Variants in MACROD2 observed in about 807,000 individuals in gnomAD.
MACROD2 encodes the protein ADP-ribose glycohydrolase MACROD2.
A neutral mutation model predicts 70.4 loss-of-function variants in MACROD2; 36 were observed. The observed-to-expected ratio is 0.51, with a 90% CI of 0.39 to 0.68. The LOEUF is 0.68. MACROD2 is among the 30% of genes least tolerant of loss of function. MACROD2 has a pLI of 0.00. For missense variants in MACROD2, 496 were observed against 538.4 expected (o/e 0.92, Z 0.78); for synonymous variants, 172 against 178.8 (o/e 0.96, Z 0.30).
intron 5 of MACROD2, among the ~76,000 whole-genome samples, chr20:14,997,433 C>T (rs1005705202): frequency 2.6e-5 from 4 of 152,092 alleles, no homozygotes; most frequent in East Asian, 3.9e-4. Flanking sequence ...CCACAGGCCT[C>T]GGGTGAGACC....
At chr20:14,069,560 G>A (rs1257565737) in intron 2 of MACROD2, among the ~76,000 whole-genome samples, 1 of 151,244 alleles carries the variant, frequency 6.6e-6, no homozygotes. Flanking sequence ...GTCAAAAATA[G>A]TTACTGAAAT....
chr20:15,179,465 A>G (rs1435288569), intron 5 of MACROD2, among the ~76,000 whole-genome samples: 1 of 152,122 alleles, frequency 6.6e-6, no homozygotes, highest in Non-Finnish European at 1.5e-5. Context: ...AAATTGCCAG[A>G]TGCTAGCAGC....
At chr20:15,645,735 A>C (rs1232637370) in intron 8 of MACROD2, among the ~76,000 whole-genome samples, 2 of 152,228 alleles carry the variant, frequency 1.3e-5, no homozygotes, top group Non-Finnish European at 2.9e-5. Context: ...TGGAACCAAT[A>C]CAGCAAGGCT....
intron 5 of MACROD2, among the ~76,000 whole-genome samples, chr20:15,008,102 G>A (rs750419293): frequency 2.3e-4 from 35 of 152,134 alleles, no homozygotes; most frequent in Non-Finnish European, 4.6e-4. Context: ...GTGAATTAAC[G>A]TGCTATTAGT....
chr20:16,005,577 T>C (rs1427931687), intron 15 of MACROD2, among the ~76,000 whole-genome samples: 2 of 152,248 alleles, frequency 1.3e-5, no homozygotes, highest in Admixed American at 6.5e-5. Context: ...GAGGTTGTTC[T>C]GAAACCTAAT....
chr20:15,059,114 T>C (rs2075511132), intron 5 of MACROD2, among the ~76,000 whole-genome samples: 1 of 152,220 alleles, frequency 6.6e-6, no homozygotes, highest in South Asian at 2.1e-4. Context: ...AAAAGAATCC[T>C]GGGCCAGACG....
chr20:13,996,801 T>G (rs1052935551), intron 1 of MACROD2, among the ~76,000 whole-genome samples: 6 of 152,230 alleles, frequency 3.9e-5, no homozygotes, highest in African/African-American at 1.4e-4. Flanking sequence ...GCACTCCTAT[T>G]GCTAAAATAA....
intron 5 of MACROD2, among the ~76,000 whole-genome samples, chr20:14,727,777 T>G (rs2071547384): frequency 6.6e-6 from 1 of 152,206 alleles, no homozygotes; most frequent in South Asian, 2.1e-4. Context: ...ATATTCCACC[T>G]TTAGGGAAAG....
At chr20:14,837,155 A>G (rs2073038656) in intron 5 of MACROD2, among the ~76,000 whole-genome samples, 1 of 152,036 alleles carries the variant, frequency 6.6e-6, no homozygotes, top group African/African-American at 2.4e-5. Flanking sequence ...TTTATTATGT[A>G]TGCATAATAA....
intron 3 of MACROD2, among the ~76,000 whole-genome samples, chr20:14,206,182 G>A (rs2081521667): frequency 6.6e-6 from 1 of 152,148 alleles, no homozygotes; most frequent in Non-Finnish European, 1.5e-5. Context: ...TACATAGGAT[G>A]GCCCCTCACA....
intron 6 of MACROD2, among the ~76,000 whole-genome samples, chr20:15,383,556 T>C (rs1179421143): frequency 6.6e-6 from 1 of 152,214 alleles, no homozygotes; most frequent in African/African-American, 2.4e-5. Flanking sequence ...TTAATGTTAT[T>C]AAGGGACATA....
rs970122411 is a variant in MACROD2, at chr20:15,987,186, A to G, written c.1153+28A>G. The stretch of plus-strand genomic sequence containing the variant: ...AGGACTGCTCTTAAATTAACCCATC[A>G]AGAATGGAGAGTTTCTTTGGATTCC... On this transcript the variant is annotated intron_variant, in intron 15 of 17. Transcript: ENST00000684519. The G allele has an allele frequency of 1.4e-5, 21 of 1,523,822 alleles. No individual in the cohort carries two copies. In the Admixed American group the frequency reaches 1.8e-4, roughly 13 times the overall value. 94.4% of individuals were successfully genotyped at this position (1,523,822 alleles called of 1,614,324 possible).
rs187866270 is a variant in MACROD2 at position 15,595,794 on chromosome 20, G to T, written c.645+95947G>T. ...TTGGTGGTGGGACTATCTGTGATGT[G>T]TGTAAATGCTTTGTAAACTGTAACT... is the stretch of plus-strand genomic sequence containing the variant. On this transcript the variant is annotated intron_variant, in intron 8 of 17. Coordinates refer to ENST00000684519, the MANE Select transcript of MACROD2 (RefSeq NM_001351661.2). Among the ~76,000 whole-genome samples, 1,521 of 152,278 alleles carry T rather than the reference G, an allele frequency of 1.0e-2. 11 individuals are homozygous for T. Among genetic ancestry groups the T allele is most frequent in the Non-Finnish European group, 0.018 (1,191 of 68,016 alleles).
chr20:14,522,326 T>G lies in MACROD2; in HGVS notation c.301+28818T>G, dbSNP rs571741151. Among the ~76,000 whole-genome samples, 14 of 152,098 alleles carry G rather than the reference T, an allele frequency of 9.2e-5. 1 individual carries two copies. Among genetic ancestry groups the G allele is most frequent in the Admixed American group, 3.3e-4 (5 of 15,282 alleles). ...ACAACCCAACAAAACACCTTTCCCC[T>G]CAAACACTAACAAAGTAAAATAAAA... On this transcript the variant is annotated intron_variant, in intron 4 of 17. Transcript: ENST00000684519.
intron 6 of MACROD2, among the ~76,000 whole-genome samples, chr20:15,232,568 G>T (rs368398936): frequency 6.6e-6 from 1 of 152,012 alleles, no homozygotes; most frequent in Admixed American, 6.5e-5. Flanking sequence ...GGGATAATGT[G>T]TATAAGATAA....
At chr20:14,838,115 A>C (rs887445229) in intron 5 of MACROD2, among the ~76,000 whole-genome samples, 1 of 152,050 alleles carries the variant, frequency 6.6e-6, no homozygotes, top group African/African-American at 2.4e-5. Context: ...TGTAAGGCAA[A>C]TATCTTGTTT....
intron 2 of MACROD2, among the ~76,000 whole-genome samples, chr20:14,076,666 G>A (rs1003388508): frequency 2.0e-5 from 3 of 152,074 alleles, no homozygotes; most frequent in African/African-American, 7.2e-5. Context: ...GTGACAGAGC[G>A]AGACCTTGCC....
chr20:15,850,771 A>G lies in MACROD2; in HGVS notation c.646-11974A>G, dbSNP rs1262752947. ...CAGAGTCCACAGAGAACTTTGAGAG[A>G]CACGTTTCCCAATGGTCAGTGTCGG... On this transcript the variant is annotated intron_variant, in intron 8 of 17. Coordinates refer to ENST00000684519, the MANE Select transcript of MACROD2 (RefSeq NM_001351661.2). Among the ~76,000 whole-genome samples, 6 of 152,108 alleles carry G rather than the reference A, an allele frequency of 3.9e-5. No individual in the cohort carries two copies. In the East Asian group the frequency reaches 7.7e-4, roughly 20 times the overall value.
intron 8 of MACROD2, among the ~76,000 whole-genome samples, chr20:15,521,194 C>A (rs1189793517): frequency 6.6e-6 from 1 of 152,146 alleles, no homozygotes; most frequent in Non-Finnish European, 1.5e-5. Flanking sequence ...AATCGTGCAT[C>A]TACAAGAGCA....
Sources: gnomAD v4.1 joint callset for allele counts (sites outside exome capture counted in the v4.1 genomes callset) on GRCh38, gnomAD v4.1.1 for gene constraint, MANE v1.5 for transcripts, NCBI Gene and HGNC (gene_info 2026-07-23, HGNC 2026-07-21) for gene names.